The following AXIN2 variants were observed in gnomAD, a reference collection of about 807,000 sequenced individuals.
AXIN2 encodes axin 2, also known as axin-2.
A neutral mutation model predicts 74.7 loss-of-function variants in AXIN2; 21 were observed. The observed-to-expected ratio is 0.28, with a 90% confidence interval of 0.20 to 0.40. AXIN2 has a LOEUF of 0.40. AXIN2 is among the 10% of genes least tolerant of loss of function. AXIN2 has a pLI of 1.00. For missense variants in AXIN2, 1,144 were observed against 1,111.1 expected, an observed-to-expected ratio of 1.03 and a Z score of -0.42; for synonymous variants, 532 against 454.9, an observed-to-expected ratio of 1.17 and a Z score of -2.16.
intron 2 of AXIN2, among the ~76,000 whole-genome samples, chr17:65,554,272 G>T (rs1281248218): frequency 6.6e-6 from 1 of 150,996 alleles, no homozygotes; most frequent in East Asian, 1.9e-4. Flanking sequence ...TCCTCCTCAC[G>T]TTCCCTTCTC....
chr17:65,537,999 TCCACACGCATATGCACAC>T, intron 5 of AXIN2, 164 bp from the exon 6 acceptor site: 2 of 1,313,054 alleles, frequency 1.5e-6, no homozygotes, highest in Non-Finnish European at 2.1e-6. Flanking sequence ...CAAGCACATA[TCCACACGCATATGCACAC>T]CCACACGCAA....
intron 1 of AXIN2, chr17:65,560,697 C>T (rs1316551525): frequency 6.6e-6 from 1 of 151,834 alleles, no homozygotes; most frequent in Non-Finnish European, 1.5e-5. Context: ...ACGCTGGGCG[C>T]CGGGTCCGCC....
chr17:65,535,467 A>T (rs1423190445), intron 9 of AXIN2, among the ~76,000 whole-genome samples, 159 bp downstream of exon 9: 1 of 152,246 alleles, frequency 6.6e-6, no homozygotes, highest in Non-Finnish European at 1.5e-5. Context: ...CAGGACATGG[A>T]TGGCAACATC....
At chr17:65,552,819 G>A (rs888167937) in intron 2 of AXIN2, among the ~76,000 whole-genome samples, 15 of 152,094 alleles carry the variant, frequency 9.9e-5, no homozygotes, top group African/African-American at 3.6e-4. Flanking sequence ...ACCTGAGGTC[G>A]GGAGTTCAAG....
intron 1 of AXIN2, chr17:65,561,127 G>C (rs1331107942): frequency 1.3e-5 from 2 of 149,956 alleles, no homozygotes; most frequent in Non-Finnish European, 3.0e-5. Context: ...CCTGTTTCCA[G>C]CAGTCACTCG....
rs2044025123 is a variant in AXIN2 at position 65,540,494 on chromosome 17, A to G, written c.1059+961T>C. Among the ~76,000 whole-genome samples the G allele has an allele frequency of 2.7e-5, 4 of 150,756 alleles. No homozygotes were observed. The South Asian group carries it at 8.4e-4, about 32-fold the overall frequency. On this transcript the variant is annotated intron_variant, in intron 4 of 10. Coordinates refer to ENST00000307078, the MANE Select transcript of AXIN2 (RefSeq NM_004655.4). ...TGCTTCAGTTTCTTTCTGATAGGGA[A>G]TTTTTTTTTTGAATTCAGAAAATGC...
At chr17:65,547,248 G>T (rs2044131467) in intron 3 of AXIN2, among the ~76,000 whole-genome samples, 2 of 152,162 alleles carry the variant, frequency 1.3e-5, no homozygotes, top group Non-Finnish European at 2.9e-5. Context: ...AAGCAGTCTT[G>T]ATTACTAAGA....
In AXIN2 at chr17:65,549,582, G is replaced by A. The variant is rs368689290; in HGVS notation, c.894C>T (p.Asn298=). 5.2e-5 allele frequency: 83 copies of A among 1,608,352 alleles called. No individual in the cohort carries two copies. Among genetic ancestry groups the A allele is most frequent in the African/African-American group, 1.6e-4 (12 of 74,834 alleles). The part of the protein sequence containing the change: ...GYVFAPATSA[N]DSEISSDALT... ...GCGCATCACTGGATATCTCACTGTC[G>A]TTGGCGCTGGTGGCTGGTGCAAAGA... Residue 298 remains asparagine, a synonymous_variant, in exon 3 of 11, where the codon AAC becomes AAT. Transcript: ENST00000307078.
rs766847390 is a variant in AXIN2, at chr17:65,538,183, G to A, written c.1200+20C>T. 112 of 1,614,044 alleles carry A rather than the reference G, an allele frequency of 6.9e-5. No individual in the cohort carries two copies. The highest frequency in any genetic ancestry group is 8.5e-5 in the Non-Finnish European group (100 of 1,180,052). On this transcript the variant is annotated intron_variant, in intron 5 of 10. Coordinates refer to ENST00000307078, the MANE Select transcript of AXIN2 (RefSeq NM_004655.4). ...CTCACGCCGTGGACGGAAGCAGGAA[G>A]AAGGCCTAGGCCGCATTACCTCTCG...
At chr17:65,561,065 A>C (rs1374109415) in intron 1 of AXIN2, 2 of 148,372 alleles carry the variant, frequency 1.3e-5, no homozygotes, top group Non-Finnish European at 3.0e-5. Context: ...CCTTTTATGC[A>C]AAAGATCCGA....
chr17:65,538,155 GCGCTC>G (rs759364903), intron 5 of AXIN2, 43 bp downstream of exon 5: 1 of 1,613,358 alleles, frequency 6.2e-7, no homozygotes, highest in Non-Finnish European at 8.5e-7. Flanking sequence ...ACACATACGA[GCGCTC>G]ACGCCGTGGA....
intron 10 of AXIN2, among the ~76,000 whole-genome samples, chr17:65,532,959 A>T (rs1299079974): frequency 6.6e-6 from 1 of 152,232 alleles, no homozygotes; most frequent in African/African-American, 2.4e-5. Flanking sequence ...AACCTGGGAC[A>T]GAACTGGAGC....
chr17:65,541,306 A>G (rs1047428277), intron 4 of AXIN2, 149 bp downstream of exon 4: 6 of 735,114 alleles, frequency 8.2e-6, no homozygotes, highest in African/African-American at 5.2e-5. Flanking sequence ...CCTATTGTCC[A>G]GTTCTTTTCT....
intron 10 of AXIN2, among the ~76,000 whole-genome samples, chr17:65,531,500 A>T (rs992248730): frequency 1.3e-5 from 2 of 151,602 alleles, no homozygotes; most frequent in Admixed American, 6.6e-5. Flanking sequence ...GTGGGGGGAA[A>T]AGTCACTTCT....
At chr17:65,552,099 T>TGTGTCC (rs2044202135) in intron 2 of AXIN2, among the ~76,000 whole-genome samples, 1 of 152,190 alleles carries the variant, frequency 6.6e-6, no homozygotes, top group Non-Finnish European at 1.5e-5. Context: ...TCCTGGTCCA[T>TGTGTCC]GTGTCCTCAA....
rs536058470 is a variant in AXIN2, at chr17:65,531,542, C to T, written c.2406-1440G>A. 8.0e-4 allele frequency among the ~76,000 whole-genome samples: 122 copies of T among 152,200 alleles called. 1 individual carries two copies. The highest frequency in any genetic ancestry group is 2.5e-3 in the African/African-American group (104 of 41,542). On this transcript the variant is annotated intron_variant, in intron 10 of 10. Transcript: ENST00000307078. ...AAGAGGCTCAAATCCCAACGCCACCCTCCGTCAGACCCCTTTGGCCCCAGC... is the reference window on the plus strand; with the variant it reads ...AAGAGGCTCAAATCCCAACGCCACCTTCCGTCAGACCCCTTTGGCCCCAGC...
chr17:65,536,649 C>CAA, intron 7 of AXIN2, 96 bp from the exon 8 acceptor site: 3 of 1,456,256 alleles, frequency 2.1e-6, no homozygotes, highest in Non-Finnish European at 2.9e-6. Context: ...CTATTCTGCT[C>CAA]AGAGAGAGAG....
chr17:65,558,865 A>C, intron 1 of AXIN2, 129 bp from the exon 2 acceptor site: 1 of 531,974 alleles, frequency 1.9e-6, no homozygotes, highest in Admixed American at 3.1e-5. Flanking sequence ...AAATCAAGCA[A>C]CCCAGCTATC....
In AXIN2 at chr17:65,537,288, C is replaced by G. The variant is rs199839662; in HGVS notation, c.1712+36G>C. The G allele has an allele frequency of 1.7e-4, 270 of 1,612,948 alleles. No homozygotes were observed. The highest frequency in any genetic ancestry group is 1.2e-3 in the Admixed American group (70 of 60,032). On this transcript the variant is annotated intron_variant, in intron 6 of 10. Coordinates refer to ENST00000307078, the MANE Select transcript of AXIN2 (RefSeq NM_004655.4). ...CCCATGGACCTGGCTGGGAGACAAG[C>G]CCCACACGGGACACTGCGGTCCGCC...
Sources: gnomAD v4.1 joint callset for allele counts (sites outside exome capture counted in the v4.1 genomes callset) on GRCh38, gnomAD v4.1.1 for gene constraint, MANE v1.5 for transcripts, NCBI Gene and HGNC (gene_info 2026-07-23, HGNC 2026-07-21) for gene names.